The following CNTN5 variants were observed in gnomAD, a reference collection of about 807,000 sequenced individuals.
The protein encoded by CNTN5 is contactin 5.
A neutral mutation model predicts 129.1 loss-of-function variants in CNTN5; 77 were observed. That is an observed-to-expected ratio of 0.60 (90% CI 0.50 to 0.72). The LOEUF (loss-of-function observed/expected upper bound fraction) is 0.72. CNTN5 is among the 30% of genes least tolerant of loss of function. The pLI is 0.00. For missense variants in CNTN5, 1,478 were observed against 1,328.8 expected, an observed-to-expected ratio of 1.11 and a Z score of -1.75; for synonymous variants, 509 against 465.6, an observed-to-expected ratio of 1.09 and a Z score of -1.20.
intron 9 of CNTN5, among the ~76,000 whole-genome samples, chr11:100,047,011 G>A (rs540622824): frequency 1.3e-5 from 2 of 152,132 alleles, no homozygotes; most frequent in African/African-American, 2.4e-5. Context: ...TGAGGTGACT[G>A]AAATTTATAG....
At chr11:99,179,927 T>C (rs778392331) in intron 1 of CNTN5, among the ~76,000 whole-genome samples, 6 of 152,168 alleles carry the variant, frequency 3.9e-5, no homozygotes, top group Admixed American at 2.0e-4. Context: ...CAGTTTGCGT[T>C]TTTGTATTAT....
At chr11:100,095,410 T>A (rs1166747992) in intron 13 of CNTN5, among the ~76,000 whole-genome samples, 1 of 152,118 alleles carries the variant, frequency 6.6e-6, no homozygotes, top group Admixed American at 6.6e-5. Flanking sequence ...AAATTCACGA[T>A]GTGTTTGAAA....
chr11:100,016,011 G>T lies in CNTN5; in HGVS notation c.980+13875G>T, dbSNP rs942728860. ...TGTACGTGATACATCATATTTATTT[G>T]TTTTTAGTATCCCTTGCCAGAGAGT... On this transcript the variant is annotated intron_variant, in intron 9 of 24. Coordinates refer to ENST00000524871, the MANE Select transcript of CNTN5 (RefSeq NM_014361.4). Among the ~76,000 whole-genome samples, 24 of 151,940 alleles carry T rather than the reference G, an allele frequency of 1.6e-4. 1 individual carries two copies. The highest frequency in any genetic ancestry group is 4.4e-5 in the Non-Finnish European group (3 of 67,938).
At chr11:100,222,838 C>T (rs1949293244) in intron 15 of CNTN5, among the ~76,000 whole-genome samples, 1 of 150,854 alleles carries the variant, frequency 6.6e-6, no homozygotes, top group East Asian at 1.9e-4. Flanking sequence ...ACTGAGTACC[C>T]CATTAAAAGA....
chr11:99,598,460 T>TCC (rs1323391840), intron 3 of CNTN5, among the ~76,000 whole-genome samples: 89 of 140,102 alleles, frequency 6.4e-4, no homozygotes, highest in African/African-American at 2.0e-3. Context: ...CTTCCTTCCT[T>TCC]TTTCCCTTCC....
chr11:99,118,601 GA>G (rs926687965), intron 1 of CNTN5, among the ~76,000 whole-genome samples: 9 of 151,796 alleles, frequency 5.9e-5, no homozygotes, highest in Admixed American at 1.3e-4. Context: ...TAATTTTATT[GA>G]AAAAAATGTA....
chr11:99,238,142 T>C (rs1310484303), intron 1 of CNTN5, among the ~76,000 whole-genome samples: 1 of 152,170 alleles, frequency 6.6e-6, no homozygotes, highest in Non-Finnish European at 1.5e-5. Context: ...TTTTTAAAAA[T>C]GGGATAAATC....
rs186405732 is a variant in CNTN5, at chr11:99,623,495, A to C, written c.55+67226A>C. On this transcript the variant is annotated intron_variant, in intron 3 of 24. Coordinates refer to ENST00000524871, the MANE Select transcript of CNTN5 (RefSeq NM_014361.4). ...CATCCATTTTCCCAAATATTTCAAC[A>C]GTGTATCTAAGAAAATTGCTGATTA... 3.3e-5 allele frequency among the ~76,000 whole-genome samples: 5 copies of C among 152,236 alleles called. No individual in the cohort carries two copies. The South Asian group carries it at 1.0e-3, about 32-fold the overall frequency.
intron 3 of CNTN5, among the ~76,000 whole-genome samples, chr11:99,667,982 G>GT (rs1952868088): frequency 6.6e-6 from 1 of 152,052 alleles, no homozygotes; most frequent in Non-Finnish European, 1.5e-5. Context: ...TTTGGAAGTT[G>GT]TAATTATAAT....
intron 3 of CNTN5, among the ~76,000 whole-genome samples, chr11:99,666,621 G>C (rs1235900093): frequency 6.6e-6 from 1 of 152,190 alleles, no homozygotes; most frequent in Admixed American, 6.5e-5. Flanking sequence ...GTCTTACAGA[G>C]TCTCCATGCT....
At chr11:99,958,457 T>C (rs983124821) in intron 8 of CNTN5, among the ~76,000 whole-genome samples, 1 of 152,160 alleles carries the variant, frequency 6.6e-6, no homozygotes, top group Non-Finnish European at 1.5e-5. Context: ...GAATTCAGTT[T>C]TGAATATGAG....
chr11:99,531,940 G>A (rs1947723823), intron 2 of CNTN5, among the ~76,000 whole-genome samples: 1 of 152,146 alleles, frequency 6.6e-6, no homozygotes, highest in South Asian at 2.1e-4. Flanking sequence ...AGGGAAATAT[G>A]AGGTCGGAGA....
chr11:100,113,765 T>A (rs1309661204), intron 13 of CNTN5, among the ~76,000 whole-genome samples: 2 of 152,140 alleles, frequency 1.3e-5, no homozygotes, highest in Non-Finnish European at 2.9e-5. Context: ...TTATAAACAC[T>A]TCAAATTACT....
intron 2 of CNTN5, among the ~76,000 whole-genome samples, chr11:99,382,159 T>G (rs1340333367): frequency 6.6e-6 from 1 of 152,194 alleles, no homozygotes; most frequent in Non-Finnish European, 1.5e-5. Flanking sequence ...CTTGACCTAA[T>G]GACCTTAAAG....
At chr11:99,566,952 A>G (rs1378417118) in intron 3 of CNTN5, among the ~76,000 whole-genome samples, 2 of 152,212 alleles carry the variant, frequency 1.3e-5, no homozygotes, top group Admixed American at 6.5e-5. Context: ...AAAGTTGTAG[A>G]CTAAATAAGA....
chr11:99,329,279 C>G (rs1326535792), intron 2 of CNTN5, among the ~76,000 whole-genome samples: 1 of 152,122 alleles, frequency 6.6e-6, no homozygotes, highest in South Asian at 2.1e-4. Context: ...ACAAGGCATC[C>G]ACAGGTTGAA....
chr11:99,989,520 C>T (rs945005313), intron 8 of CNTN5, among the ~76,000 whole-genome samples: 3 of 151,670 alleles, frequency 2.0e-5, no homozygotes, highest in Admixed American at 1.3e-4. Flanking sequence ...TAGACACATA[C>T]ACACACACTT....
intron 3 of CNTN5, among the ~76,000 whole-genome samples, chr11:99,735,755 T>C (rs948190405): frequency 9.2e-5 from 14 of 152,188 alleles, no homozygotes; most frequent in Admixed American, 9.2e-4. Context: ...GAAACTAACA[T>C]ATTCATCACC....
intron 13 of CNTN5, among the ~76,000 whole-genome samples, chr11:100,140,841 G>T (rs1946677550): frequency 6.6e-6 from 1 of 152,138 alleles, no homozygotes. Flanking sequence ...TGTCAGTTGG[G>T]GCTATGACCT....
Sources: allele counts gnomAD v4.1 joint callset (sites outside exome capture counted in the v4.1 genomes callset), GRCh38; gene constraint gnomAD v4.1.1; transcripts MANE v1.5; gene names NCBI Gene and HGNC (gene_info 2026-07-23, HGNC 2026-07-21).